Variants in ASIC5 observed in about 807,000 individuals in gnomAD.
ASIC5 encodes bile acid-sensitive ion channel.
A neutral mutation model predicts 51.2 loss-of-function variants in ASIC5; 52 were observed. The ratio of observed to expected loss-of-function variants is 1.02; its 90% CI spans 0.81 to 1.28. ASIC5 has a LOEUF of 1.28. Ranked by LOEUF, ASIC5 falls within the 50% of genes most tolerant of loss-of-function variation. The pLI is 0.00. For missense variants in ASIC5, 635 were observed against 595.0 expected, an observed-to-expected ratio of 1.07 and a Z score of -0.70; for synonymous variants, 231 against 200.7, an observed-to-expected ratio of 1.15 and a Z score of -1.28.
In ASIC5 at chr4:155,863,466, G is replaced by A. The variant is rs777366364; in HGVS notation, c.329C>T (p.Thr110Ile). ...TTTTTACCTGTTCAAATTACAAAAT[G>A]TCACAGCTGGGAACTCCATCTTTTC... ...YVEKMEFPAV[T>I]FCNLNRFQTD... is the part of the protein sequence containing the mutation. Residue 110 changes from threonine to isoleucine, a missense_variant, in exon 2 of 10, where the codon ACA becomes ATA. Thr to Ile is a moderately conservative substitution (Grantham distance 89). Transcript: ENST00000537611. The A allele has an allele frequency of 4.3e-6, 7 of 1,611,146 alleles. No homozygotes were observed. Among genetic ancestry groups the A allele is most frequent in the East Asian group, 4.5e-5 (2 of 44,812 alleles).
intron 4 of ASIC5, among the ~76,000 whole-genome samples, chr4:155,851,087 T>C (rs1741371843): frequency 1.3e-5 from 2 of 152,066 alleles, no homozygotes; most frequent in Non-Finnish European, 2.9e-5. Context: ...TCTGGAGAAA[T>C]ATCTAAATGT....
chr4:155,833,413 A>G (rs1579281789), intron 8 of ASIC5, among the ~76,000 whole-genome samples: 5 of 152,362 alleles, frequency 3.3e-5, no homozygotes, highest in South Asian at 2.1e-4. Flanking sequence ...AATGTTTACA[A>G]TTTTTGAAAT....
intron 7 of ASIC5, 57 bp downstream of exon 7, chr4:155,838,756 A>G: frequency 9.4e-7 from 1 of 1,058,326 alleles, no homozygotes; most frequent in Non-Finnish European, 1.4e-6. Context: ...AATGTCTTAT[A>G]TTACTTTGAG....
chr4:155,834,909 G>T (rs192943419), intron 8 of ASIC5, among the ~76,000 whole-genome samples: 2 of 152,084 alleles, frequency 1.3e-5, no homozygotes, highest in Admixed American at 1.3e-4. Flanking sequence ...TCGGCCGGGG[G>T]TGTTCAGAGA....
At position 155,863,755 on chromosome 4, in the gene ASIC5, CT is replaced by C. The variant is rs1741785934; in HGVS notation, c.41-2del. ...CAAAGCTTTATCTTTTCTAAGAGTC[CT>C]TAAGGTTTTGCCCATAAAATGATTA... On this transcript the variant is annotated splice_acceptor_variant, in intron 1 of 9. Transcript: ENST00000537611. LOFTEE classifies it high-confidence loss of function. 5 of 1,604,062 alleles carry C rather than the reference CT, an allele frequency of 3.1e-6. No individual in the cohort carries two copies. The African/African-American group carries it at 4.0e-5, about 13-fold the overall frequency.
chr4:155,837,747 G>A (rs1455102631), intron 7 of ASIC5, among the ~76,000 whole-genome samples: 1 of 151,836 alleles, frequency 6.6e-6, no homozygotes, highest in Non-Finnish European at 1.5e-5. Flanking sequence ...ACACTCACAT[G>A]CACTCATACA....
intron 2 of ASIC5, among the ~76,000 whole-genome samples, chr4:155,863,008 CT>C (rs1240901440): frequency 6.6e-6 from 1 of 152,024 alleles, no homozygotes; most frequent in East Asian, 1.9e-4. Context: ...TGATGTTTCT[CT>C]TTTCTGCTAA....
At chr4:155,846,295 A>T (rs1445875229) in intron 4 of ASIC5, among the ~76,000 whole-genome samples, 1 of 152,138 alleles carries the variant, frequency 6.6e-6, no homozygotes, top group African/African-American at 2.4e-5. Context: ...ACACTATAAA[A>T]TGTCAAAATT....
At chr4:155,833,727 C>T (rs957055234) in intron 8 of ASIC5, among the ~76,000 whole-genome samples, 1 of 152,164 alleles carries the variant, frequency 6.6e-6, no homozygotes, top group African/African-American at 2.4e-5. Flanking sequence ...CAAGCATTAT[C>T]CACCTGTGAT....
rs1411771641 is a variant in ASIC5, at chr4:155,829,996, T to A, written c.1378A>T (p.Ile460Phe). 5 of 1,597,052 alleles carry A rather than the reference T, an allele frequency of 3.1e-6. No homozygotes were observed. The highest frequency in any genetic ancestry group is 1.3e-5 in the African/African-American group (1 of 74,368). ...GLFCGASLIT[I>F]IEIIEYLFTN... ...AATAGATATTCAATAATTTCTATGA[T>A]CGTGATCAGACTGGCCCCACAAAAT... The change falls in exon 10 of 10, where the codon ATC becomes TTC. Residue 460 changes from isoleucine (I) to phenylalanine (F), a missense_variant. Transcript: ENST00000537611.
rs116606660 is a variant in ASIC5, at chr4:155,859,937, C to T, written c.347+3511G>A. On this transcript the variant is annotated intron_variant, in intron 2 of 9. Coordinates refer to ENST00000537611, the MANE Select transcript of ASIC5 (RefSeq NM_017419.3). ...TTAATCAAAGCTCCTAAAATCTTGT[C>T]TTGGCTTGTCATACACATATTTGTA... Among the ~76,000 whole-genome samples, 493 of 152,146 alleles carry T rather than the reference C, an allele frequency of 3.2e-3. 3 individuals are homozygous for T. The highest frequency in any genetic ancestry group is 0.011 in the African/African-American group (473 of 41,564).
Position 155,866,264 on chromosome 4 carries a change from C to A in ASIC5, c.-38G>T. On this transcript the variant is annotated 5_prime_UTR_variant, in exon 1 of 10. Transcript: ENST00000537611. ...TTAAGCAAGAGTCCTCAGGGTAACC[C>A]AATTTTCATCAATAACAGTATTCAT... is the stretch of plus-strand genomic sequence containing the variant. 1 of 1,463,866 alleles carries A rather than the reference C, an allele frequency of 6.8e-7. No homozygotes were observed. The highest frequency in any genetic ancestry group is 9.5e-7 in the Non-Finnish European group (1 of 1,048,850). The allele number at this position is 1,463,866 out of a possible 1,614,324, so 90.7% of individuals were successfully genotyped here.
chr4:155,843,555 A>G (rs1407772520), intron 5 of ASIC5, 126 bp downstream of exon 5: 1 of 1,040,744 alleles, frequency 9.6e-7, no homozygotes, highest in African/African-American at 1.6e-5. Flanking sequence ...ATAATCTGAA[A>G]TGAAATTTTG....
At chr4:155,864,756 T>C (rs975042036) in intron 1 of ASIC5, 4 of 152,188 alleles carry the variant, frequency 2.6e-5, no homozygotes, top group African/African-American at 9.6e-5. Flanking sequence ...ATCTAGATCA[T>C]AATAAGTACT....
chr4:155,853,309 A>G (rs1390568977), intron 3 of ASIC5, among the ~76,000 whole-genome samples: 2 of 151,964 alleles, frequency 1.3e-5, no homozygotes, highest in Non-Finnish European at 2.9e-5. Flanking sequence ...GCGGCCTACC[A>G]AAAACATAAG....
intron 7 of ASIC5, among the ~76,000 whole-genome samples, chr4:155,837,387 T>A (rs79111635): frequency 6.6e-6 from 1 of 152,150 alleles, no homozygotes; most frequent in African/African-American, 2.4e-5. Flanking sequence ...GGTTCTCTGT[T>A]CAGTGATCTC....
intron 4 of ASIC5, 84 bp from the exon 5 acceptor site, chr4:155,843,914 A>C: frequency 3.0e-5 from 37 of 1,251,530 alleles, no homozygotes; most frequent in Non-Finnish European, 4.0e-5. Context: ...TTATCATCTC[A>C]TGATAGCGTT....
At chr4:155,851,017 T>C (rs552367351) in intron 4 of ASIC5, among the ~76,000 whole-genome samples, 1 of 152,156 alleles carries the variant, frequency 6.6e-6, no homozygotes, top group African/African-American at 2.4e-5. Flanking sequence ...CTATTTGTAA[T>C]TCAAAACTCT....
At chr4:155,832,372 T>G (rs1319706470) in intron 8 of ASIC5, among the ~76,000 whole-genome samples, 1 of 152,180 alleles carries the variant, frequency 6.6e-6, no homozygotes, top group East Asian at 1.9e-4. Flanking sequence ...ATATGCAAAA[T>G]GGACACAGAG....
Sources: gnomAD v4.1 joint callset for allele counts (sites outside exome capture counted in the v4.1 genomes callset) on GRCh38, gnomAD v4.1.1 for gene constraint, MANE v1.5 for transcripts, NCBI Gene and HGNC (gene_info 2026-07-23, HGNC 2026-07-21) for gene names.